ATAD5: variants seen among roughly 807,000 people sequenced by gnomAD.
ATAD5 encodes the protein ATPase family AAA domain-containing protein 5.
A neutral mutation model predicts 176.9 loss-of-function variants in ATAD5; 58 were observed. The ratio of observed to expected loss-of-function variants is 0.33; its 90% confidence interval spans 0.27 to 0.41. ATAD5 has a LOEUF of 0.41. Among genes scored for constraint, ATAD5 ranks in the 10% least tolerant of loss-of-function variants. The pLI, the probability that ATAD5 is intolerant of heterozygous loss-of-function variation, is 1.00. For synonymous variants in ATAD5, 640 were observed against 712.6 expected (o/e 0.90, Z 1.62); for missense variants, 1,789 against 2,094.1 (o/e 0.85, Z 2.84).
At chr17:30,853,247 G>T (rs191237152) in intron 6 of ATAD5, among the ~76,000 whole-genome samples, 132 of 152,100 alleles carry the variant, frequency 8.7e-4, no homozygotes, top group South Asian at 5.0e-3. Context: ...AGCTATATAT[G>T]TATGTATATG....
In ATAD5 at chr17:30,834,817, G is replaced by T; in HGVS notation, c.736G>T (p.Ala246Ser). The change falls in exon 2 of 23, where the codon GCA (alanine) becomes TCA (serine). Residue 246 changes from alanine (A) to serine (S), a missense_variant. By Grantham distance (99) the Ala-to-Ser change is moderately conservative. Coordinates refer to ENST00000321990, the MANE Select transcript of ATAD5 (RefSeq NM_024857.5). ...ACAGATGGAGAATACTACAAGCCATGCAAACTCTAGAGATAACGTAACTGA... is the reference window on the plus strand; with the variant it reads ...ACAGATGGAGAATACTACAAGCCATTCAAACTCTAGAGATAACGTAACTGA... ...TKQMENTTSH[A>S]NSRDNVTEAA... 1 of 1,613,948 alleles carries T rather than the reference G, an allele frequency of 6.2e-7. No individual in the cohort carries two copies. The highest frequency in any genetic ancestry group is 8.5e-7 in the Non-Finnish European group (1 of 1,179,940).
chr17:30,893,999 A>G lies in ATAD5; in HGVS notation c.5146A>G (p.Ser1716Gly). Residue 1716 changes from serine to glycine, a missense_variant, in exon 21 of 23, where the codon AGC becomes GGC. Around this residue, in one of 6 missense-constraint regions of ATAD5, gnomAD observed 403 missense variants for 495.1 expected, o/e 0.81. Transcript: ENST00000321990. Reference sequence around the variant, plus strand: ...ATTAAAGGCAGCTGCAGAAGCTCTCAGCTTTACTAAATGTTCTTCTGCTAT... The same window carrying G: ...ATTAAAGGCAGCTGCAGAAGCTCTCGGCTTTACTAAATGTTCTTCTGCTAT... ...GELKAAAEAL[S>G]FTKCSSAISK... 5 of 1,613,860 alleles carry G rather than the reference A, an allele frequency of 3.1e-6. No homozygotes were observed. The South Asian group carries it at 4.4e-5, about 14-fold the overall frequency.
At chr17:30,877,372 C>T (rs771759453) in intron 15 of ATAD5, 44 bp from the exon 16 acceptor site, 1 of 1,329,800 alleles carries the variant, frequency 7.5e-7, no homozygotes, top group Admixed American at 2.2e-5. Flanking sequence ...AATGTCTTAG[C>T]AAAAGTTGAT....
chr17:30,849,892 C>G (rs1597963433), intron 6 of ATAD5, among the ~76,000 whole-genome samples: 1 of 152,144 alleles, frequency 6.6e-6, no homozygotes, highest in Non-Finnish European at 1.5e-5. Flanking sequence ...AGACATTGAA[C>G]AAACCTACAG....
chr17:30,866,066 A>C (rs1239826754), intron 11 of ATAD5, among the ~76,000 whole-genome samples: 2 of 151,980 alleles, frequency 1.3e-5, no homozygotes, highest in African/African-American at 4.8e-5. Flanking sequence ...CATTACTACT[A>C]ATTCAGGTCC....
intron 14 of ATAD5, among the ~76,000 whole-genome samples, chr17:30,876,000 G>C (rs1404396632): frequency 6.6e-6 from 1 of 151,580 alleles, no homozygotes; most frequent in Non-Finnish European, 1.5e-5. Context: ...AGCTGGGCGT[G>C]GTGGCGAGTG....
intron 1 of ATAD5, 30 bp downstream of exon 1, chr17:30,832,443 C>T (rs1429958337): frequency 2.7e-6 from 4 of 1,506,274 alleles, no homozygotes; most frequent in Admixed American, 4.2e-5. Flanking sequence ...CTGTTGAGTT[C>T]CTTCCTCTAT....
In ATAD5 at chr17:30,840,756, A is replaced by C. The variant is rs1441921633; in HGVS notation, c.2216A>C (p.Glu739Ala). The C allele has an allele frequency of 6.2e-7, 1 of 1,600,976 alleles. No individual in the cohort carries two copies. The highest frequency in any genetic ancestry group is 2.2e-5 in the East Asian group (1 of 44,458). The change falls in exon 4 of 23, where the codon GAA becomes GCA. Residue 739 changes from glutamate (E) to alanine (A), a missense_variant. Physicochemically the swap from Glu to Ala is moderately radical, Grantham distance 107. Transcript: ENST00000321990. The stretch of plus-strand genomic sequence containing the variant: ...TCCTCTAGACATCAGACACTTCCTG[A>C]AAGGAAGAAATTGTCAGAAACAGAA... ...RRSSRHQTLP[E>A]RKKLSETEDS...
At chr17:30,844,278 C>G (rs896162662) in intron 5 of ATAD5, among the ~76,000 whole-genome samples, 5 of 151,936 alleles carry the variant, frequency 3.3e-5, no homozygotes, top group African/African-American at 1.2e-4. Context: ...ACTACAGGCA[C>G]CCACCACCAT....
chr17:30,889,193 C>G (rs550968594), intron 19 of ATAD5, among the ~76,000 whole-genome samples: 52 of 136,402 alleles, frequency 3.8e-4, no homozygotes, highest in Non-Finnish European at 6.8e-4. Flanking sequence ...GAGGTAGGGT[C>G]TCGCTATATT....
chr17:30,853,524 A>G (rs1186075870), intron 6 of ATAD5, among the ~76,000 whole-genome samples: 2 of 152,174 alleles, frequency 1.3e-5, no homozygotes, highest in South Asian at 2.1e-4. Context: ...TTTAGTATCT[A>G]TCTGGCTTCA....
At chr17:30,894,184 G>C in intron 21 of ATAD5, 34 bp downstream of exon 21, 1 of 1,453,398 alleles carries the variant, frequency 6.9e-7, no homozygotes, top group Non-Finnish European at 9.2e-7. Flanking sequence ...TTATTTTTTG[G>C]TAATAAATCG....
At chr17:30,878,683 T>C (rs1465992350) in intron 17 of ATAD5, among the ~76,000 whole-genome samples, 2 of 147,620 alleles carry the variant, frequency 1.4e-5, no homozygotes, top group Non-Finnish European at 1.5e-5. Context: ...TCTTAAAATA[T>C]TGAGAAAAAT....
At chr17:30,845,587 C>T (rs1244965734) in intron 6 of ATAD5, among the ~76,000 whole-genome samples, 1 of 152,068 alleles carries the variant, frequency 6.6e-6, no homozygotes, top group Non-Finnish European at 1.5e-5. Flanking sequence ...AGGTGGGTGC[C>T]AGCCAATGTA....
Position 30,868,107 on chromosome 17 carries a change from A to G in ATAD5, c.3234-226A>G, listed in dbSNP as rs114436061. ...AAAATGTTCATGTCCATGTAAAACTATTTTACTCTTTAGTTGATTCACAAG... is the reference window on the plus strand; with the variant it reads ...AAAATGTTCATGTCCATGTAAAACTGTTTTACTCTTTAGTTGATTCACAAG... On this transcript the variant is annotated intron_variant, in intron 11 of 22. Coordinates refer to ENST00000321990, the MANE Select transcript of ATAD5 (RefSeq NM_024857.5). Among the ~76,000 whole-genome samples the G allele has an allele frequency of 6.3e-3, 961 of 152,280 alleles. 11 individuals are homozygous for G. The highest frequency in any genetic ancestry group is 0.022 in the African/African-American group (917 of 41,566).
chr17:30,846,210 C>A (rs9909497), intron 6 of ATAD5, among the ~76,000 whole-genome samples: 15,962 of 151,982 alleles, frequency 0.11, 953 homozygotes, highest in South Asian at 0.24. Flanking sequence ...TTTCTATTAC[C>A]ATAGATTAAT....
chr17:30,882,002 G>A (rs977823572), intron 18 of ATAD5, among the ~76,000 whole-genome samples: 2 of 152,072 alleles, frequency 1.3e-5, no homozygotes, highest in Admixed American at 6.6e-5. Flanking sequence ...GCTCACGCCT[G>A]TAATCCCAGC....
chr17:30,847,981 A>G (rs1906635908), intron 6 of ATAD5, among the ~76,000 whole-genome samples: 1 of 151,970 alleles, frequency 6.6e-6, no homozygotes, highest in Admixed American at 6.6e-5. Flanking sequence ...CGGCCTCCCA[A>G]AGTGCTGGGA....
intron 4 of ATAD5, among the ~76,000 whole-genome samples, chr17:30,841,899 C>T (rs924738431): frequency 5.3e-5 from 8 of 152,100 alleles, no homozygotes; most frequent in African/African-American, 1.7e-4. Context: ...ATTTTACCCC[C>T]TCCTCTTCAA....
Sources: allele counts gnomAD v4.1 joint callset (sites outside exome capture counted in the v4.1 genomes callset), GRCh38; gene constraint gnomAD v4.1.1; regional missense constraint gnomAD v4.1.1; transcripts MANE v1.5; gene names NCBI Gene and HGNC (gene_info 2026-07-23, HGNC 2026-07-21).